ERICH3: variants seen among roughly 807,000 people sequenced by gnomAD.
ERICH3 encodes the protein glutamate rich 3, also known as glutamate-rich protein 3.
Under a neutral mutation model 131.1 loss-of-function variants are expected in ERICH3, and 126 were observed. The observed-to-expected ratio is 0.96, with a 90% CI of 0.83 to 1.11. The LOEUF is 1.11. Ranked by LOEUF, ERICH3 falls within the 50% of genes most tolerant of loss-of-function variation. ERICH3 has a pLI of 0.00. For missense variants in ERICH3, 2,050 were observed against 1,810.7 expected (o/e 1.13, Z -2.40); for synonymous variants, 695 against 644.6 (o/e 1.08, Z -1.18).
Position 74,661,156 on chromosome 1 carries a change from T to C in ERICH3, c.24-11841A>G, listed in dbSNP as rs910852225. 2.0e-5 allele frequency among the ~76,000 whole-genome samples: 3 copies of C among 152,112 alleles called. No individual in the cohort carries two copies. In the South Asian group the frequency reaches 6.2e-4, roughly 31 times the overall value. On this transcript the variant is annotated intron_variant, in intron 1 of 14. Coordinates refer to ENST00000326665, the MANE Select transcript of ERICH3 (RefSeq NM_001002912.5). Reference sequence around the variant, plus strand: ...AAAATGTAATTCTTATGAGCAGTAGTAAGATTTAAAATGGTAATGACATCT... The same window carrying C: ...AAAATGTAATTCTTATGAGCAGTAGCAAGATTTAAAATGGTAATGACATCT...
intron 11 of ERICH3, among the ~76,000 whole-genome samples, chr1:74,594,468 CCT>C (rs935040441): frequency 7.2e-5 from 11 of 152,032 alleles, no homozygotes; most frequent in Non-Finnish European, 1.5e-4. Flanking sequence ...TCTGAGTTGT[CCT>C]CACTTTCCTT....
chr1:74,603,882 G>C (rs948750511), intron 10 of ERICH3, among the ~76,000 whole-genome samples: 1 of 151,814 alleles, frequency 6.6e-6, no homozygotes, highest in Admixed American at 6.6e-5. Context: ...CTGACTGATC[G>C]GGGTGGTGGT....
intron 10 of ERICH3, among the ~76,000 whole-genome samples, chr1:74,604,488 G>A (rs1570854613): frequency 6.6e-6 from 1 of 151,986 alleles, no homozygotes; most frequent in Admixed American, 6.6e-5. Context: ...TCCATCAGAG[G>A]AATCACTATA....
intron 9 of ERICH3, among the ~76,000 whole-genome samples, chr1:74,607,590 T>G (rs1648464107): frequency 6.6e-6 from 1 of 152,004 alleles, no homozygotes; most frequent in Non-Finnish European, 1.5e-5. Flanking sequence ...TTTTGAAGTC[T>G]GCACTACAGT....
chr1:74,662,204 C>T (rs1313187731), intron 1 of ERICH3, among the ~76,000 whole-genome samples: 21 of 152,166 alleles, frequency 1.4e-4, no homozygotes, highest in Admixed American at 1.4e-3. Flanking sequence ...AGCCAGTCTC[C>T]TCACCAAGGA....
chr1:74,654,995 A>C (rs1646571437), intron 1 of ERICH3, among the ~76,000 whole-genome samples: 1 of 152,168 alleles, frequency 6.6e-6, no homozygotes, highest in African/African-American at 2.4e-5. Flanking sequence ...CACTACAGAG[A>C]TAGAAACCTT....
chr1:74,642,723 A>T (rs1199207392), intron 4 of ERICH3, among the ~76,000 whole-genome samples: 3 of 152,112 alleles, frequency 2.0e-5, no homozygotes, highest in Admixed American at 2.0e-4. Context: ...CTTAAGACAC[A>T]AACAAAAATC....
intron 10 of ERICH3, among the ~76,000 whole-genome samples, chr1:74,602,492 G>A (rs549002012): frequency 3.3e-5 from 5 of 152,006 alleles, no homozygotes; most frequent in South Asian, 2.1e-4. Context: ...TAATGAGGAC[G>A]TGAGTCAACA....
chr1:74,630,405 CAT>C (rs1307629449), intron 7 of ERICH3, among the ~76,000 whole-genome samples: 1 of 152,172 alleles, frequency 6.6e-6, no homozygotes, highest in Non-Finnish European at 1.5e-5. Flanking sequence ...GTGTAAGTGA[CAT>C]GTGCCACTCC....
At chr1:74,603,113 G>A (rs952987754) in intron 10 of ERICH3, among the ~76,000 whole-genome samples, 6 of 151,786 alleles carry the variant, frequency 4.0e-5, no homozygotes, top group East Asian at 1.9e-4. Context: ...TCCCTTTCCC[G>A]AAGCCAGCCC....
intron 6 of ERICH3, 128 bp from the exon 7 acceptor site, chr1:74,632,056 C>A (rs77769515): frequency 7.8e-6 from 6 of 770,774 alleles, no homozygotes; most frequent in Non-Finnish European, 1.2e-5. Flanking sequence ...TAGACAAACT[C>A]AAAACACTCC....
chr1:74,673,219 G>A (rs1037442222), intron 1 of ERICH3, among the ~76,000 whole-genome samples: 4 of 152,144 alleles, frequency 2.6e-5, no homozygotes, highest in African/African-American at 7.2e-5. Context: ...CTTGCTTAAT[G>A]TATGCGTTTT....
At chr1:74,614,629 A>G (rs1156339881) in intron 8 of ERICH3, among the ~76,000 whole-genome samples, 2 of 151,514 alleles carry the variant, frequency 1.3e-5, no homozygotes, top group African/African-American at 4.9e-5. Flanking sequence ...GCGAGCCGAG[A>G]TCACGCCACT....
intron 1 of ERICH3, among the ~76,000 whole-genome samples, chr1:74,665,624 G>A (rs1004032954): frequency 2.0e-5 from 3 of 152,110 alleles, no homozygotes; most frequent in Non-Finnish European, 2.9e-5. Flanking sequence ...TTCTTCTGAG[G>A]GCCATGAGAG....
At chr1:74,670,494 G>A (rs567049968) in intron 1 of ERICH3, among the ~76,000 whole-genome samples, 1 of 152,308 alleles carries the variant, frequency 6.6e-6, no homozygotes, top group South Asian at 2.1e-4. Flanking sequence ...AGCCACAGCA[G>A]AGGAACATAA....
intron 12 of ERICH3, among the ~76,000 whole-genome samples, chr1:74,581,884 A>G (rs1647188456): frequency 1.3e-5 from 2 of 152,190 alleles, no homozygotes; most frequent in Non-Finnish European, 2.9e-5. Context: ...TCCAATTCCA[A>G]TTCAGTGACC....
chr1:74,595,510 C>T (rs958682768), intron 11 of ERICH3, among the ~76,000 whole-genome samples: 1 of 151,868 alleles, frequency 6.6e-6, no homozygotes, highest in Non-Finnish European at 1.5e-5. Flanking sequence ...AAAATGTTCT[C>T]CATATTTACC....
rs1646913622 is a variant in ERICH3, at chr1:74,569,679, T to G, written c.*779A>C. The G allele has an allele frequency of 1.3e-5, 2 of 152,136 alleles. No homozygotes were observed. Among genetic ancestry groups the G allele is most frequent in the African/African-American group, 4.8e-5 (2 of 41,416 alleles). The allele number at this position is 152,136 out of a possible 1,614,324, so 9.4% of individuals were successfully genotyped here. On this transcript the variant is annotated 3_prime_UTR_variant, in exon 15 of 15. Coordinates refer to ENST00000326665, the MANE Select transcript of ERICH3 (RefSeq NM_001002912.5). ...TACTTATTCCACTTAGCTAAATTAT[T>G]TACTACTTTTATTTAAATTTGAGTG... is the stretch of plus-strand genomic sequence containing the variant.
At chr1:74,649,737 T>C (rs1209671631) in intron 1 of ERICH3, among the ~76,000 whole-genome samples, 1 of 152,098 alleles carries the variant, frequency 6.6e-6, no homozygotes, top group Non-Finnish European at 1.5e-5. Context: ...CTCTGGTAAC[T>C]CAAACTTACC....
Sources: gnomAD v4.1 joint callset for allele counts (sites outside exome capture counted in the v4.1 genomes callset) on GRCh38, gnomAD v4.1.1 for gene constraint, MANE v1.5 for transcripts, NCBI Gene and HGNC (gene_info 2026-07-23, HGNC 2026-07-21) for gene names.